SHPK: variants seen among roughly 807,000 people sequenced by gnomAD.
The protein encoded by SHPK is carbohydrate kinase-like protein.
Under a neutral mutation model 46.3 loss-of-function variants are expected in SHPK, and 51 were observed. The observed-to-expected ratio is 1.10, with a 90% CI of 0.88 to 1.39. SHPK has a LOEUF of 1.39. Ranked by LOEUF, SHPK falls within the 40% of genes most tolerant of loss-of-function variation. SHPK has a pLI of 0.00. For missense variants in SHPK, 668 were observed against 641.3 expected (o/e 1.04, Z -0.45); for synonymous variants, 290 against 273.9 (o/e 1.06, Z -0.58).
chr17:3,619,240 A>G, intron 5 of SHPK: 2 of 648,304 alleles, frequency 3.1e-6, no homozygotes. Flanking sequence ...TTTTACATGT[A>G]TTTTGGAAGA....
At chr17:3,622,191 G>A (rs953404957) in intron 4 of SHPK, among the ~76,000 whole-genome samples, 3 of 152,194 alleles carry the variant, frequency 2.0e-5, no homozygotes, top group Admixed American at 6.5e-5. Flanking sequence ...ACACATGGCC[G>A]AAGTGGGGAT....
rs1202848054 is a variant in SHPK at position 3,623,480 on chromosome 17, AG to A, written c.505del (p.Leu169Ter). ...GGTACCGGCTGCGTCGTAGGACTTC[AG>A]GAACTCTGGGCTGTTTTTCATACCA... ...FWLLKYRPEF[L>X]KSYDAAGTIH... On this transcript the variant is annotated frameshift_variant, in exon 4 of 7. Coordinates refer to ENST00000225519, the MANE Select transcript of SHPK (RefSeq NM_013276.4). LOFTEE classifies it high-confidence loss of function. The A allele has an allele frequency of 6.2e-7, 1 of 1,614,122 alleles. No homozygotes were observed. Among genetic ancestry groups the A allele is most frequent in the Admixed American group, 1.7e-5 (1 of 60,020 alleles).
At position 3,609,968 on chromosome 17, in the gene SHPK, C is replaced by T. The variant is rs1055518129; in HGVS notation, c.*592G>A. The T allele has an allele frequency of 5.2e-5, 8 of 152,976 alleles. No individual in the cohort carries two copies. Among genetic ancestry groups the T allele is most frequent in the Non-Finnish European group, 1.0e-4 (7 of 68,458 alleles). 9.5% of individuals were successfully genotyped at this position (152,976 alleles called of 1,614,324 possible). ...CACAGCCCCGCATCGTCTTCTGAGC[C>T]TGCCTGCTGCATCGCGCTTGGGTCA... On this transcript the variant is annotated 3_prime_UTR_variant, in exon 7 of 7. Transcript: ENST00000225519.
At chr17:3,635,233 GGAA>G (rs2075507302) in intron 1 of SHPK, among the ~76,000 whole-genome samples, 1 of 134,088 alleles carries the variant, frequency 7.5e-6, no homozygotes, top group Non-Finnish European at 1.7e-5. Flanking sequence ...AAGGAAGGAA[GGAA>G]GGAAGGAAGG....
At position 3,623,467 on chromosome 17, in the gene SHPK, G is replaced by T. The variant is rs879238318; in HGVS notation, c.519C>A (p.Asp173Glu). The T allele has an allele frequency of 1.3e-5, 21 of 1,614,130 alleles. No homozygotes were observed. The highest frequency in any genetic ancestry group is 1.8e-5 in the Non-Finnish European group (21 of 1,179,976). The change falls in exon 4 of 7, where the codon GAC (aspartate) becomes GAA (glutamate). Residue 173 changes from aspartate to glutamate, a missense_variant. Transcript: ENST00000225519. ...KYRPEFLKSYDAAGTIHDYVV... is the reference protein window; with the variant it reads ...KYRPEFLKSYEAAGTIHDYVV... ...CATAGTCGTGGATGGTACCGGCTGC[G>T]TCGTAGGACTTCAGGAACTCTGGGC... is the stretch of plus-strand genomic sequence containing the variant.
intron 5 of SHPK, among the ~76,000 whole-genome samples, chr17:3,620,654 C>T (rs1005190990): frequency 6.6e-6 from 1 of 151,812 alleles, no homozygotes; most frequent in Non-Finnish European, 1.5e-5. Flanking sequence ...CTCCGCCTCC[C>T]GGGTTCAAGC....
At chr17:3,629,480 C>T (rs2075457113) in intron 2 of SHPK, among the ~76,000 whole-genome samples, 1 of 152,150 alleles carries the variant, frequency 6.6e-6, no homozygotes, top group South Asian at 2.1e-4. Flanking sequence ...CCTGTAATCC[C>T]AGCACTTTGG....
chr17:3,618,223 A>T (rs1295601533), intron 5 of SHPK, among the ~76,000 whole-genome samples: 1 of 152,030 alleles, frequency 6.6e-6, no homozygotes, highest in Non-Finnish European at 1.5e-5. Flanking sequence ...TCTCTGCCTC[A>T]GCCTCCCGAG....
chr17:3,621,205 A>C, intron 5 of SHPK, 32 bp downstream of exon 5: 1 of 1,550,446 alleles, frequency 6.4e-7, no homozygotes, highest in Non-Finnish European at 8.7e-7. Flanking sequence ...GCGACAGTGT[A>C]AGTCTGAGGA....
At position 3,609,917 on chromosome 17, in the gene SHPK, G is replaced by C. The variant is rs974818286; in HGVS notation, c.*643C>G. The C allele has an allele frequency of 6.6e-6, 1 of 152,664 alleles. No homozygotes were observed. 9.5% of individuals were successfully genotyped at this position (152,664 alleles called of 1,614,324 possible). ...GGGTGCAGCAAGCTCTCCTGAGGCT[G>C]AGTACATGCAGCAAGAAGGCCGGCA... On this transcript the variant is annotated 3_prime_UTR_variant, in exon 7 of 7. Transcript: ENST00000225519.
At position 3,636,128 on chromosome 17, in the gene SHPK, C is replaced by T. The variant is rs748938167; in HGVS notation, c.92G>A (p.Gly31Glu). ...LLRAAPDDPS[G>E]FAVLASCARA... ...GGCACAGCTCGCCAGCACTGCGAAC[C>T]CGGATGGGTCGTCGGGCGCGGCCCT... The change falls in exon 1 of 7, where the codon GGG becomes GAG. Residue 31 changes from glycine to glutamate, a missense_variant. Transcript: ENST00000225519. 2 of 1,611,138 alleles carry T rather than the reference C, an allele frequency of 1.2e-6. No homozygotes were observed. The highest frequency in any genetic ancestry group is 1.7e-6 in the Non-Finnish European group (2 of 1,178,742).
chr17:3,621,333 T>A lies in SHPK; in HGVS notation c.727A>T (p.Met243Leu), dbSNP rs1028887843. 34 of 1,613,984 alleles carry A rather than the reference T, an allele frequency of 2.1e-5. 1 individual carries two copies. Among genetic ancestry groups the A allele is most frequent in the Non-Finnish European group, 2.8e-5 (33 of 1,179,982 alleles). The change falls in exon 5 of 7, where the codon ATG (methionine) becomes TTG (leucine). Residue 243 changes from methionine (M) to leucine (L), a missense_variant. Coordinates refer to ENST00000225519, the MANE Select transcript of SHPK (RefSeq NM_013276.4). ...PGSVAGRTSH[M>L]WFEIPKGTQV... ...GTCCCCTTTGGGATTTCAAACCACA[T>A]GTGGGAAGTTCTGCCCGCCACACTG...
chr17:3,614,860 A>AAAAGAAG (rs1555553787), intron 6 of SHPK, among the ~76,000 whole-genome samples: 1 of 147,320 alleles, frequency 6.8e-6, no homozygotes, highest in African/African-American at 2.7e-5. Flanking sequence ...AAAAAAAAAA[A>AAAAGAAG]AAGAAGAAGA....
At chr17:3,617,705 A>G (rs1204861032) in intron 5 of SHPK, among the ~76,000 whole-genome samples, 1 of 152,196 alleles carries the variant, frequency 6.6e-6, no homozygotes, top group African/African-American at 2.4e-5. Flanking sequence ...ACAATGGGAT[A>G]TATTTTTGAT....
At position 3,609,728 on chromosome 17, in the gene SHPK, T is replaced by G. The variant is rs1320739337; in HGVS notation, c.*832A>C. The stretch of plus-strand genomic sequence containing the variant: ...CTGGAATGTGCAGGGGCAAAAACAC[T>G]GCTGCACAGACATGCTCCTGGCAAG... On this transcript the variant is annotated 3_prime_UTR_variant, in exon 7 of 7. Transcript: ENST00000225519. 1.3e-5 allele frequency: 2 copies of G among 152,352 alleles called. No homozygotes were observed. Among genetic ancestry groups the G allele is most frequent in the Non-Finnish European group, 2.9e-5 (2 of 68,110 alleles). 9.4% of individuals were successfully genotyped at this position (152,352 alleles called of 1,614,324 possible).
At chr17:3,619,826 T>C (rs1266754409) in intron 5 of SHPK, 2 of 444,104 alleles carry the variant, frequency 4.5e-6, no homozygotes, top group Admixed American at 2.7e-5. Context: ...AGATTGAGTA[T>C]AGCTTGGTTC....
Position 3,621,223 on chromosome 17 carries a change from A to C in SHPK, c.823+14T>G. 2 of 1,591,894 alleles carry C rather than the reference A, an allele frequency of 1.3e-6. No homozygotes were observed. Among genetic ancestry groups the C allele is most frequent in the Non-Finnish European group, 1.7e-6 (2 of 1,169,100 alleles). ...ACAGTGTAAGTCTGAGGACAGAACA[A>C]AAGAAAAACTTACCTGCATCTGTCC... On this transcript the variant is annotated intron_variant, in intron 5 of 6. Coordinates refer to ENST00000225519, the MANE Select transcript of SHPK (RefSeq NM_013276.4).
At chr17:3,631,835 A>G (rs2075474447) in intron 1 of SHPK, among the ~76,000 whole-genome samples, 1 of 151,510 alleles carries the variant, frequency 6.6e-6, no homozygotes, top group Non-Finnish European at 1.5e-5. Context: ...ATTATCACAC[A>G]TCAAACTGAT....
chr17:3,629,668 C>T (rs2075458705), intron 2 of SHPK, among the ~76,000 whole-genome samples: 1 of 148,664 alleles, frequency 6.7e-6, no homozygotes, highest in Non-Finnish European at 1.5e-5. Flanking sequence ...GCAGAGGTTG[C>T]AGTGAGCTGA....
Sources: gnomAD v4.1 joint callset for allele counts (sites outside exome capture counted in the v4.1 genomes callset) on GRCh38, gnomAD v4.1.1 for gene constraint, MANE v1.5 for transcripts, NCBI Gene and HGNC (gene_info 2026-07-23, HGNC 2026-07-21) for gene names.